The following ZRANB3 variants were observed in gnomAD, a reference collection of about 807,000 sequenced individuals.
ZRANB3 encodes DNA annealing helicase and endonuclease ZRANB3.
In ZRANB3, 125 loss-of-function variants were observed where a neutral mutation model predicts 133.8. The observed-to-expected ratio is 0.93, with a 90% CI of 0.81 to 1.08. The LOEUF (loss-of-function observed/expected upper bound fraction) is 1.08. Ranked by LOEUF, ZRANB3 falls within the 50% of genes least tolerant of loss-of-function variation. ZRANB3 has a pLI of 0.00. For synonymous variants in ZRANB3, 387 were observed against 432.7 expected, an observed-to-expected ratio of 0.89 and a Z score of 1.31; for missense variants, 1,229 against 1,275.5, an observed-to-expected ratio of 0.96 and a Z score of 0.56.
intron 8 of ZRANB3, among the ~76,000 whole-genome samples, chr2:135,309,612 A>G (rs999170823): frequency 6.6e-6 from 1 of 152,208 alleles, no homozygotes; most frequent in African/African-American, 2.4e-5. Flanking sequence ...GGAAATTTAC[A>G]TTTTAAAAAA....
rs555233460 is a variant in ZRANB3, at chr2:135,233,489, C to T, written c.1540-2562G>A. ...GAAGAGCAACTCCAAGACATACAAT[C>T]GTCAGATTCACCAAAGTTGAAATGA... is the stretch of plus-strand genomic sequence containing the variant. On this transcript the variant is annotated intron_variant, in intron 12 of 20. Transcript: ENST00000264159. Among the ~76,000 whole-genome samples the T allele has an allele frequency of 3.6e-4, 55 of 152,226 alleles. 1 individual carries two copies. The highest frequency in any genetic ancestry group is 2.3e-3 in the Admixed American group (35 of 15,282).
chr2:135,255,374 C>G (rs1413130766), intron 12 of ZRANB3, among the ~76,000 whole-genome samples: 1 of 152,104 alleles, frequency 6.6e-6, no homozygotes, highest in Non-Finnish European at 1.5e-5. Context: ...CTGCTTTACC[C>G]CTACAAAGAA....
rs200558924 is a variant in ZRANB3, at chr2:135,219,880, C to CT, written c.2251-703dup. Among the ~76,000 whole-genome samples, 937 of 150,568 alleles carry CT rather than the reference C, an allele frequency of 6.2e-3. 10 individuals are homozygous for CT. The highest frequency in any genetic ancestry group is 0.022 in the African/African-American group (895 of 41,036). On this transcript the variant is annotated intron_variant, in intron 15 of 20. Transcript: ENST00000264159. ...CAACATCCTGAAATCTTTTTTTTCC[C>CT]TTTTTTTTTGAGACAAGGTATCACT...
intron 6 of ZRANB3, among the ~76,000 whole-genome samples, chr2:135,344,517 C>T (rs1684830660): frequency 6.6e-6 from 1 of 152,170 alleles, no homozygotes; most frequent in South Asian, 2.1e-4. Context: ...AGGCAAATCA[C>T]CTGAGGTCAG....
intron 8 of ZRANB3, among the ~76,000 whole-genome samples, chr2:135,283,581 C>A (rs1231905115): frequency 6.7e-6 from 1 of 149,928 alleles, no homozygotes; most frequent in Non-Finnish European, 1.5e-5. Context: ...CATGCCACTG[C>A]ACTCCAGCCT....
chr2:135,418,925 C>CTTTTTTTTTTTTTTTTTTTTTTTTTTTT (rs769271961), intron 2 of ZRANB3, among the ~76,000 whole-genome samples: 3 of 85,900 alleles, frequency 3.5e-5, no homozygotes, highest in African/African-American at 1.4e-4. Context: ...AGGATTCTCT[C>CTTTTTTTTTTTTTTTTTTTTTTTTTTTT]TTTTTTTTTT....
At chr2:135,295,135 T>G (rs1681986318) in intron 8 of ZRANB3, among the ~76,000 whole-genome samples, 1 of 150,594 alleles carries the variant, frequency 6.6e-6, no homozygotes, top group Non-Finnish European at 1.5e-5. Context: ...GAGCTGGGGT[T>G]AACTTTCTGT....
At chr2:135,418,619 G>T (rs1688693395) in intron 2 of ZRANB3, among the ~76,000 whole-genome samples, 1 of 152,138 alleles carries the variant, frequency 6.6e-6, no homozygotes, top group Admixed American at 6.6e-5. Flanking sequence ...ACTTATATAT[G>T]GGTGGTACTT....
At chr2:135,231,739 G>C (rs1181048425) in intron 12 of ZRANB3, among the ~76,000 whole-genome samples, 3 of 152,098 alleles carry the variant, frequency 2.0e-5, no homozygotes, top group African/African-American at 7.2e-5. Flanking sequence ...AGTGAGCTGT[G>C]ATTGTGCCAC....
rs1401061495 is a variant in ZRANB3, at chr2:135,197,538, G to A, written c.*2804C>T. 2 of 152,184 alleles carry A rather than the reference G, an allele frequency of 1.3e-5. No homozygotes were observed. The highest frequency in any genetic ancestry group is 2.9e-5 in the Non-Finnish European group (2 of 68,022). 9.4% of individuals were successfully genotyped at this position (152,184 alleles called of 1,614,324 possible). ...CGTTGGGCTGTAATTAACGCCAAGA[G>A]TGGGCGTCTTTAAAAATTCCATATG... is the stretch of plus-strand genomic sequence containing the variant. On this transcript the variant is annotated 3_prime_UTR_variant, in exon 21 of 21. Transcript: ENST00000264159.
intron 2 of ZRANB3, among the ~76,000 whole-genome samples, chr2:135,446,402 A>C (rs1264767610): frequency 6.6e-6 from 1 of 152,102 alleles, no homozygotes; most frequent in Non-Finnish European, 1.5e-5. Flanking sequence ...CTGGGTGTTA[A>C]GATGCAGGAG....
At chr2:135,524,882 A>T (rs983863451) in intron 1 of ZRANB3, among the ~76,000 whole-genome samples, 9 of 152,100 alleles carry the variant, frequency 5.9e-5, no homozygotes, top group Admixed American at 1.3e-4. Context: ...ATTAATCTTT[A>T]TTTTGTTCCT....
At chr2:135,337,365 C>T (rs1043351189) in intron 6 of ZRANB3, among the ~76,000 whole-genome samples, 3 of 152,166 alleles carry the variant, frequency 2.0e-5, no homozygotes, top group African/African-American at 7.2e-5. Context: ...TGACCAGAAT[C>T]CATCAGGGAA....
At chr2:135,428,215 G>T (rs1689175241) in intron 2 of ZRANB3, among the ~76,000 whole-genome samples, 1 of 152,084 alleles carries the variant, frequency 6.6e-6, no homozygotes, top group African/African-American at 2.4e-5. Context: ...GTCAGAGGCA[G>T]GTGGATCACC....
At chr2:135,394,364 T>C (rs1687381910) in intron 2 of ZRANB3, among the ~76,000 whole-genome samples, 1 of 152,060 alleles carries the variant, frequency 6.6e-6, no homozygotes, top group Non-Finnish European at 1.5e-5. Context: ...TGGTAAGCAA[T>C]GAAGCTTGAT....
intron 2 of ZRANB3, among the ~76,000 whole-genome samples, chr2:135,454,514 T>A (rs1690408793): frequency 6.6e-6 from 1 of 152,160 alleles, no homozygotes; most frequent in African/African-American, 2.4e-5. Context: ...TGGTAAAGCC[T>A]GGGCTTTTAG....
At chr2:135,289,941 T>C (rs1235744316) in intron 8 of ZRANB3, among the ~76,000 whole-genome samples, 1 of 152,148 alleles carries the variant, frequency 6.6e-6, no homozygotes, top group Non-Finnish European at 1.5e-5. Context: ...CTGAAATTTA[T>C]TAAGGCTTGT....
Position 135,315,375 on chromosome 2 carries a change from G to T in ZRANB3, c.833C>A (p.Pro278Gln), listed in dbSNP as rs758629165. 3.2e-6 allele frequency: 5 copies of T among 1,573,772 alleles called. No individual in the cohort carries two copies. In the South Asian group the frequency reaches 6.1e-5, roughly 19 times the overall value. Residue 278 changes from proline (P) to glutamine (Q), a missense_variant, in exon 7 of 21, where the codon CCA becomes CAA. Coordinates refer to ENST00000264159, the MANE Select transcript of ZRANB3 (RefSeq NM_032143.4). ...GGTTCTCACCTTGGCAGCTGCTGATGGAAGATCAAATGGAATACGCTGTCT... is the reference window on the plus strand; with the variant it reads ...GGTTCTCACCTTGGCAGCTGCTGATTGAAGATCAAATGGAATACGCTGTCT... ...KVRQRIPFDL[P>Q]SAAAKELNTS...
chr2:135,201,018 A>G (rs774386098), intron 20 of ZRANB3, among the ~76,000 whole-genome samples: 21 of 152,182 alleles, frequency 1.4e-4, no homozygotes, highest in African/African-American at 4.6e-4. Flanking sequence ...AGCCTCCCCA[A>G]GTGGGAGTTC....
Sources: gnomAD v4.1 joint callset for allele counts (sites outside exome capture counted in the v4.1 genomes callset) on GRCh38, gnomAD v4.1.1 for gene constraint, MANE v1.5 for transcripts, NCBI Gene and HGNC (gene_info 2026-07-23, HGNC 2026-07-21) for gene names.